The following ELMO1 variants were observed in gnomAD, a reference collection of about 807,000 sequenced individuals.
The protein encoded by ELMO1 is engulfment and cell motility 1.
A neutral mutation model predicts 98.9 loss-of-function variants in ELMO1; 26 were observed. The ratio of observed to expected loss-of-function variants is 0.26; its 90% CI spans 0.19 to 0.36. The LOEUF (loss-of-function observed/expected upper bound fraction) is 0.36. Among genes scored for constraint, ELMO1 ranks in the 10% least tolerant of loss-of-function variants. The probability of loss-of-function intolerance (pLI) is 1.00; values close to 1 mark genes in which losing one functional copy is unlikely to be tolerated. For synonymous variants in ELMO1, 346 were observed against 346.0 expected (o/e 1.00, Z 0.00); for missense variants, 627 against 935.2 (o/e 0.67, Z 4.30).
In ELMO1 at chr7:36,868,591, G is replaced by A. The variant is rs1246603321; in HGVS notation, c.1905+1802C>T. 2.6e-5 allele frequency among the ~76,000 whole-genome samples: 4 copies of A among 151,990 alleles called. No homozygotes were observed. The East Asian group carries it at 5.8e-4, about 22-fold the overall frequency. On this transcript the variant is annotated intron_variant, in intron 20 of 21. Transcript: ENST00000310758. ...TCTCGAACTCCTGACCTTGTGATCC[G>A]CCCGCCTTGGCCTTCCAAAGTGCTG... is the stretch of plus-strand genomic sequence containing the variant.
intron 14 of ELMO1, among the ~76,000 whole-genome samples, chr7:37,098,584 G>C (rs756060345): frequency 5.3e-5 from 8 of 152,212 alleles, no homozygotes; most frequent in Non-Finnish European, 1.2e-4. Flanking sequence ...GAGCTGGGCA[G>C]TGGGCTGGCC....
intron 1 of ELMO1, among the ~76,000 whole-genome samples, chr7:37,421,901 G>A (rs1804489277): frequency 6.6e-6 from 1 of 152,110 alleles, no homozygotes; most frequent in Non-Finnish European, 1.5e-5. Flanking sequence ...CAAGAAGCTG[G>A]GGCCAAAAGT....
chr7:37,091,541 T>C (rs951858389), intron 15 of ELMO1, among the ~76,000 whole-genome samples: 6 of 152,140 alleles, frequency 3.9e-5, no homozygotes, highest in African/African-American at 1.4e-4. Context: ...TGTGTATTCA[T>C]CTGTGCTATG....
intron 16 of ELMO1, among the ~76,000 whole-genome samples, chr7:36,973,988 C>G (rs372274682): frequency 6.6e-6 from 1 of 151,770 alleles, no homozygotes; most frequent in South Asian, 2.1e-4. Context: ...GGGCAGGGCT[C>G]GGGACCTGCA....
At chr7:37,033,529 A>G in intron 15 of ELMO1, 7 of 388,976 alleles carry the variant, frequency 1.8e-5, no homozygotes, top group South Asian at 5.7e-5. Context: ...ACACTGGATT[A>G]TAACTTTCCA....
At chr7:36,901,406 T>C (rs1209408169) in intron 16 of ELMO1, among the ~76,000 whole-genome samples, 2 of 152,202 alleles carry the variant, frequency 1.3e-5, no homozygotes, top group Admixed American at 6.5e-5. Flanking sequence ...TATTTTAGTC[T>C]TTGTGAGCCA....
chr7:36,935,756 C>T (rs541843388), intron 16 of ELMO1, among the ~76,000 whole-genome samples: 2 of 152,312 alleles, frequency 1.3e-5, no homozygotes, highest in East Asian at 1.9e-4. Context: ...TAAGACTACA[C>T]TACTACTCCA....
At chr7:37,238,541 T>C (rs1307985101) in intron 7 of ELMO1, among the ~76,000 whole-genome samples, 1 of 152,228 alleles carries the variant, frequency 6.6e-6, no homozygotes, top group Admixed American at 6.5e-5. Context: ...ATTATGCTTT[T>C]AGTTTCTTTA....
intron 7 of ELMO1, 64 bp from the exon 8 acceptor site, chr7:37,233,258 G>GA: frequency 7.0e-7 from 1 of 1,432,794 alleles, no homozygotes. Context: ...ACAGAAGCAA[G>GA]AAAGTTCTGG....
At chr7:36,945,406 G>A (rs1787389309) in intron 16 of ELMO1, among the ~76,000 whole-genome samples, 1 of 152,128 alleles carries the variant, frequency 6.6e-6, no homozygotes, top group Non-Finnish European at 1.5e-5. Context: ...AAACATTAGG[G>A]AGGGAAGGAG....
At chr7:36,921,603 G>A (rs780815190) in intron 16 of ELMO1, among the ~76,000 whole-genome samples, 1 of 152,078 alleles carries the variant, frequency 6.6e-6, no homozygotes. Flanking sequence ...TCTCTTTCTT[G>A]CACCTGGCTC....
intron 4 of ELMO1, among the ~76,000 whole-genome samples, chr7:37,299,205 C>A (rs1360387289): frequency 1.9e-3 from 103 of 53,630 alleles, no homozygotes; most frequent in Middle Eastern, 7.6e-3. Context: ...TGGGTATTAG[C>A]CCTTTGTCAG....
At chr7:37,369,149 G>C (rs1399022039) in intron 1 of ELMO1, among the ~76,000 whole-genome samples, 1 of 152,170 alleles carries the variant, frequency 6.6e-6, no homozygotes, top group East Asian at 1.9e-4. Flanking sequence ...AACATTTATA[G>C]TCTGGAGGAC....
intron 9 of ELMO1, among the ~76,000 whole-genome samples, chr7:37,223,349 G>C (rs1793701826): frequency 6.6e-6 from 1 of 152,202 alleles, no homozygotes; most frequent in Non-Finnish European, 1.5e-5. Flanking sequence ...TAACTTATCA[G>C]GCCAGTGAGA....
chr7:36,907,747 T>C (rs560832788), intron 16 of ELMO1, among the ~76,000 whole-genome samples: 9 of 152,314 alleles, frequency 5.9e-5, no homozygotes, highest in Non-Finnish European at 1.2e-4. Flanking sequence ...ACAACAATTA[T>C]GTGGCACATA....
At chr7:37,309,924 A>G (rs945331012) in intron 4 of ELMO1, among the ~76,000 whole-genome samples, 23 of 152,330 alleles carry the variant, frequency 1.5e-4, no homozygotes, top group South Asian at 1.4e-3. Flanking sequence ...GATCTACCAA[A>G]GCATGATAGT....
intron 16 of ELMO1, among the ~76,000 whole-genome samples, chr7:36,929,044 G>A (rs942641672): frequency 7.9e-5 from 12 of 152,320 alleles, no homozygotes; most frequent in African/African-American, 2.2e-4. Context: ...TACTAAGAAA[G>A]GGCAGTTGAG....
chr7:37,227,665 C>A (rs562350066), intron 8 of ELMO1, among the ~76,000 whole-genome samples: 1 of 152,230 alleles, frequency 6.6e-6, no homozygotes, highest in Admixed American at 6.5e-5. Flanking sequence ...GGATTACAGG[C>A]ATGAGCCACG....
intron 13 of ELMO1, among the ~76,000 whole-genome samples, chr7:37,173,813 C>G (rs1275660440): frequency 6.6e-6 from 1 of 152,224 alleles, no homozygotes; most frequent in Non-Finnish European, 1.5e-5. Flanking sequence ...AACCTGAAAG[C>G]CCCAAACAGA....
Sources: allele counts gnomAD v4.1 joint callset (sites outside exome capture counted in the v4.1 genomes callset), GRCh38; gene constraint gnomAD v4.1.1; transcripts MANE v1.5; gene names NCBI Gene and HGNC (gene_info 2026-07-23, HGNC 2026-07-21).